Variants in GABRB2 observed in about 807,000 individuals in gnomAD.
GABRB2 encodes the protein gamma-aminobutyric acid type A receptor subunit beta2.
GABRB2 carries 16 observed loss-of-function variants against 54.7 expected under a neutral mutation model. The ratio of observed to expected loss-of-function variants is 0.29; its 90% confidence interval spans 0.20 to 0.44. GABRB2 has a LOEUF of 0.44. Ranked by LOEUF, GABRB2 falls within the 20% of genes least tolerant of loss-of-function variation. GABRB2 has a pLI of 1.00. For missense variants in GABRB2, 355 were observed against 644.0 expected, an observed-to-expected ratio of 0.55 and a Z score of 4.86; for synonymous variants, 244 against 233.8, an observed-to-expected ratio of 1.04 and a Z score of -0.40.
chr5:161,373,162 GTAAA>G (rs1210773364), intron 5 of GABRB2, among the ~76,000 whole-genome samples: 16 of 152,054 alleles, frequency 1.1e-4, no homozygotes, highest in Admixed American at 1.0e-3. Flanking sequence ...GTCAACATGG[GTAAA>G]TAGTCATTAA....
chr5:161,381,998 G>T (rs1479018162), intron 5 of GABRB2, among the ~76,000 whole-genome samples: 2 of 152,172 alleles, frequency 1.3e-5, no homozygotes, highest in Non-Finnish European at 2.9e-5. Flanking sequence ...TGCATGTTCA[G>T]CATCCTGTTC....
intron 3 of GABRB2, among the ~76,000 whole-genome samples, chr5:161,471,692 C>T (rs767954863): frequency 1.3e-5 from 2 of 151,928 alleles, no homozygotes; most frequent in African/African-American, 2.4e-5. Context: ...ATAATCCAGC[C>T]CTATAACTGC....
At chr5:161,424,103 C>T (rs1756929103) in intron 4 of GABRB2, among the ~76,000 whole-genome samples, 1 of 152,076 alleles carries the variant, frequency 6.6e-6, no homozygotes, top group African/African-American at 2.4e-5. Context: ...GAGGTTGGTT[C>T]ATGAAGTTTA....
chr5:161,344,123 C>T (rs954727983), intron 5 of GABRB2, among the ~76,000 whole-genome samples: 2 of 152,002 alleles, frequency 1.3e-5, no homozygotes, highest in African/African-American at 4.8e-5. Context: ...TTGTATCTAG[C>T]CGTATCCAAA....
intron 4 of GABRB2, among the ~76,000 whole-genome samples, chr5:161,429,026 C>T (rs10475695): frequency 0.44 from 65,971 of 151,322 alleles, 16,056 homozygotes; most frequent in African/African-American, 0.67. Context: ...AGGCATCACA[C>T]GGTAAGTACC....
At chr5:161,415,650 T>C (rs1756642555) in intron 4 of GABRB2, among the ~76,000 whole-genome samples, 1 of 152,222 alleles carries the variant, frequency 6.6e-6, no homozygotes, top group African/African-American at 2.4e-5. Context: ...TTTTGCTCTT[T>C]TGCCCAGGCT....
intron 5 of GABRB2, among the ~76,000 whole-genome samples, chr5:161,339,743 C>A (rs1160857076): frequency 6.6e-6 from 1 of 151,946 alleles, no homozygotes; most frequent in Non-Finnish European, 1.5e-5. Flanking sequence ...CCTGATACTG[C>A]AAGTTAGTTA....
Position 161,326,359 on chromosome 5 carries a change from C to T in GABRB2, c.1191+9G>A. 1 of 1,609,182 alleles carries T rather than the reference C, an allele frequency of 6.2e-7. No homozygotes were observed. Among genetic ancestry groups the T allele is most frequent in the Non-Finnish European group, 8.5e-7 (1 of 1,178,494 alleles). On this transcript the variant is annotated intron_variant, in intron 9 of 9. Transcript: ENST00000393959. Reference sequence around the variant, plus strand: ...TACAAATAAATGGATTAAAAACTGGCTATCTAACCGTATACAGAGAGAAAT... The same window carrying T: ...TACAAATAAATGGATTAAAAACTGGTTATCTAACCGTATACAGAGAGAAAT...
At position 161,326,485 on chromosome 5, in the gene GABRB2, G is replaced by T. The variant is rs1758367396; in HGVS notation, c.1078-4C>A. ...GTTTAATATCTTTATAAAAAATCTGGAAGACAAAGTAGAGAATGTGCTAAT... is the reference window on the plus strand; with the variant it reads ...GTTTAATATCTTTATAAAAAATCTGTAAGACAAAGTAGAGAATGTGCTAAT... On this transcript the variant is annotated splice_polypyrimidine_tract_variant and splice_region_variant and intron_variant, in intron 8 of 9. Coordinates refer to ENST00000393959, the MANE Select transcript of GABRB2 (RefSeq NM_001371727.1). 1.2e-6 allele frequency: 2 copies of T among 1,612,366 alleles called. No individual in the cohort carries two copies. The highest frequency in any genetic ancestry group is 1.7e-5 in the Admixed American group (1 of 59,864).
At chr5:161,347,140 A>G (rs1238591553) in intron 5 of GABRB2, among the ~76,000 whole-genome samples, 1 of 152,142 alleles carries the variant, frequency 6.6e-6, no homozygotes, top group Non-Finnish European at 1.5e-5. Flanking sequence ...TAATATTTCT[A>G]AAGCATTTCT....
At chr5:161,474,304 C>T (rs1262699223) in intron 3 of GABRB2, among the ~76,000 whole-genome samples, 2 of 151,956 alleles carry the variant, frequency 1.3e-5, no homozygotes. Context: ...CGATGACATT[C>T]ATTTAGTCAG....
intron 3 of GABRB2, among the ~76,000 whole-genome samples, chr5:161,460,884 T>C (rs908709707): frequency 6.6e-6 from 1 of 151,936 alleles, no homozygotes; most frequent in Non-Finnish European, 1.5e-5. Context: ...TTCTTGGGAG[T>C]TGGCATTGTG....
chr5:161,436,926 A>G (rs570834193), intron 4 of GABRB2, among the ~76,000 whole-genome samples: 265 of 152,270 alleles, frequency 1.7e-3, no homozygotes, highest in African/African-American at 6.2e-3. Context: ...ACTTGCCCAC[A>G]GAGAAAGCAT....
chr5:161,369,534 G>A (rs62381567), intron 5 of GABRB2, among the ~76,000 whole-genome samples: 1 of 90,404 alleles, frequency 1.1e-5, no homozygotes, highest in African/African-American at 6.3e-5. Context: ...GGAGGAGAGG[G>A]AGAGAGAGAG....
intron 5 of GABRB2, among the ~76,000 whole-genome samples, chr5:161,362,783 G>A (rs568488215): frequency 1.3e-4 from 20 of 152,108 alleles, no homozygotes; most frequent in South Asian, 8.3e-4. Flanking sequence ...AAAAAAGCTC[G>A]TAGTCACTGG....
chr5:161,331,225 A>G, intron 7 of GABRB2, 98 bp from the exon 8 acceptor site: 1 of 1,353,174 alleles, frequency 7.4e-7, no homozygotes, highest in Non-Finnish European at 1.0e-6. Flanking sequence ...TCTCATTCAT[A>G]TATGCCACAA....
chr5:161,343,311 G>A (rs1754227548), intron 5 of GABRB2, among the ~76,000 whole-genome samples: 1 of 151,802 alleles, frequency 6.6e-6, no homozygotes, highest in Non-Finnish European at 1.5e-5. Flanking sequence ...TGGCATCTTA[G>A]TAAGGACACC....
chr5:161,397,547 C>A (rs1168522752), intron 5 of GABRB2, among the ~76,000 whole-genome samples: 1 of 152,006 alleles, frequency 6.6e-6, no homozygotes, highest in Non-Finnish European at 1.5e-5. Context: ...AAAAATACAT[C>A]TTTTTAAAGA....
At chr5:161,511,436 T>A (rs1354217091) in intron 3 of GABRB2, among the ~76,000 whole-genome samples, 1 of 152,060 alleles carries the variant, frequency 6.6e-6, no homozygotes, top group African/African-American at 2.4e-5. Flanking sequence ...AAGCTACTAG[T>A]TAAGACAAAA....
Sources: gnomAD v4.1 joint callset for allele counts (sites outside exome capture counted in the v4.1 genomes callset) on GRCh38, gnomAD v4.1.1 for gene constraint, MANE v1.5 for transcripts, NCBI Gene and HGNC (gene_info 2026-07-23, HGNC 2026-07-21) for gene names.